Variants in SCML2 observed in about 807,000 individuals in gnomAD.
SCML2 encodes the protein sex comb on midleg-like protein 2.
A neutral mutation model predicts 48.4 loss-of-function variants in SCML2; 6 were observed. The ratio of observed to expected loss-of-function variants is 0.12; its 90% CI spans 0.07 to 0.24. The LOEUF is 0.24. Ranked by LOEUF, SCML2 falls within the 10% of genes least tolerant of loss-of-function variation. SCML2 has a pLI of 1.00. For synonymous variants in SCML2, 181 were observed against 189.5 expected (o/e 0.95, Z 0.37); for missense variants, 377 against 528.2 (o/e 0.71, Z 2.81).
intron 8 of SCML2, among the ~76,000 whole-genome samples, chrX:18,261,917 AT>A (rs1252774776): frequency 4.6e-5 from 5 of 109,174 alleles, no homozygotes; most frequent in South Asian, 3.7e-4. Context: ...AATCTGCCTG[AT>A]TTTTTTCAAT....
At chrX:18,257,955 AGGAAAGGGAAGG>A in intron 10 of SCML2, 77 bp downstream of exon 10, 3 of 423,842 alleles carry the variant, frequency 7.1e-6, no homozygotes, top group Non-Finnish European at 1.2e-5. Flanking sequence ...GGAAGGGGAG[AGGAAAGGGAAGG>A]GGGAAGGGAA....
intron 14 of SCML2, among the ~76,000 whole-genome samples, chrX:18,241,738 G>A (rs939861656): frequency 3.6e-5 from 4 of 111,763 alleles, no homozygotes; most frequent in Admixed American, 9.5e-5. Context: ...TCTGAGAAGG[G>A]CCAGGAATAT....
At chrX:18,331,801 A>G (rs1929668594) in intron 2 of SCML2, among the ~76,000 whole-genome samples, 1 of 111,325 alleles carries the variant, frequency 9.0e-6, no homozygotes, top group Non-Finnish European at 1.9e-5. Flanking sequence ...TGACAATACC[A>G]GTTGGTTGGT....
rs1048440993 is a variant in SCML2 at position 18,314,014 on chromosome X, T to C, written c.486+6318A>G. Among the ~76,000 whole-genome samples the C allele has an allele frequency of 6.3e-5, 7 of 111,804 alleles. No homozygotes were observed. In the Admixed American group the frequency reaches 6.7e-4, roughly 11 times the overall value. Reference sequence around the variant, plus strand: ...GAGGTCTATTTATAGAAATAGTAAATTGAAGCCATCAGGAATGATCTCCAT... The same window carrying C: ...GAGGTCTATTTATAGAAATAGTAAACTGAAGCCATCAGGAATGATCTCCAT... On this transcript the variant is annotated intron_variant, in intron 6 of 14. Transcript: ENST00000251900.
rs1245285400 is a variant in SCML2 at position 18,264,567 on chromosome X, TC to T, written c.948+1017del. Among the ~76,000 whole-genome samples the T allele has an allele frequency of 7.2e-5, 8 of 110,842 alleles. No homozygotes were observed. In the East Asian group the frequency reaches 2.3e-3, roughly 31 times the overall value. On this transcript the variant is annotated intron_variant, in intron 8 of 14. Coordinates refer to ENST00000251900, the MANE Select transcript of SCML2 (RefSeq NM_006089.3). ...AATATCTGGGTTATACTTGGGTCTG[TC>T]TCAGTTGATTTTCTTTTTTCTTGAA...
At chrX:18,284,696 T>G (rs1927984448) in intron 7 of SCML2, among the ~76,000 whole-genome samples, 2 of 111,853 alleles carry the variant, frequency 1.8e-5, no homozygotes, top group Admixed American at 1.9e-4. Context: ...AAAACCACAA[T>G]GACATACCAT....
chrX:18,247,183 G>T (rs1005709393), intron 12 of SCML2, among the ~76,000 whole-genome samples: 1 of 110,943 alleles, frequency 9.0e-6, no homozygotes, highest in African/African-American at 3.3e-5. Flanking sequence ...TTTTAGTAGA[G>T]ACAGGGTTTC....
At chrX:18,303,936 G>A (rs373909666) in intron 7 of SCML2, among the ~76,000 whole-genome samples, 2 of 112,075 alleles carry the variant, frequency 1.8e-5, no homozygotes, top group African/African-American at 3.2e-5. Context: ...CACACTTTGC[G>A]TACTTATTTT....
At chrX:18,329,084 G>A (rs183738704) in intron 3 of SCML2, among the ~76,000 whole-genome samples, 7 of 111,624 alleles carry the variant, frequency 6.3e-5, no homozygotes, top group African/African-American at 2.3e-4. Context: ...AAAATTGACT[G>A]TGGTGGTGGT....
At chrX:18,338,752 A>G (rs1027452004) in intron 1 of SCML2, among the ~76,000 whole-genome samples, 5 of 108,356 alleles carry the variant, frequency 4.6e-5, no homozygotes, top group African/African-American at 1.7e-4. Flanking sequence ...GTCTCTACAA[A>G]AAAATACAAA....
intron 7 of SCML2, among the ~76,000 whole-genome samples, chrX:18,281,618 A>G (rs1320492159): frequency 9.2e-6 from 1 of 108,237 alleles, no homozygotes; most frequent in Admixed American, 9.9e-5. Flanking sequence ...AGGCTGAGGC[A>G]TAAGAATCAC....
At chrX:18,336,293 G>C (rs113363080) in intron 1 of SCML2, among the ~76,000 whole-genome samples, 1 of 108,415 alleles carries the variant, frequency 9.2e-6, no homozygotes, top group East Asian at 2.9e-4. Context: ...ACAAAAATTA[G>C]CTGGGCGTGG....
chrX:18,344,742 C>T (rs1234386322), intron 1 of SCML2, among the ~76,000 whole-genome samples: 2 of 111,833 alleles, frequency 1.8e-5, no homozygotes, highest in African/African-American at 6.5e-5. Context: ...GTCCATTAAA[C>T]CTCTTTTTCT....
At chrX:18,316,299 G>A (rs1474403289) in intron 6 of SCML2, among the ~76,000 whole-genome samples, 1 of 111,896 alleles carries the variant, frequency 8.9e-6, no homozygotes, top group Non-Finnish European at 1.9e-5. Flanking sequence ...TGAGGCACAG[G>A]AATCAGTTGA....
chrX:18,244,531 ATAATT>A (rs918062387), intron 13 of SCML2, among the ~76,000 whole-genome samples: 80 of 111,955 alleles, frequency 7.1e-4, no homozygotes, highest in African/African-American at 2.5e-3. Flanking sequence ...TTATGAAAAT[ATAATT>A]TAATTGGGCC....
chrX:18,342,397 A>G lies in SCML2; in HGVS notation c.-24-8302T>C, dbSNP rs745476928. On this transcript the variant is annotated intron_variant, in intron 1 of 14. Coordinates refer to ENST00000251900, the MANE Select transcript of SCML2 (RefSeq NM_006089.3). ...TTAATAGTATTTCATAGCGCCTGAC[A>G]TTGAAATTTCACTTACCAAAAGACT... is the stretch of plus-strand genomic sequence containing the variant. 4.5e-5 allele frequency among the ~76,000 whole-genome samples: 5 copies of G among 111,459 alleles called. No individual in the cohort carries two copies. In the South Asian group the frequency reaches 1.9e-3, roughly 42 times the overall value.
chrX:18,317,623 G>A (rs1336588407), intron 6 of SCML2, among the ~76,000 whole-genome samples: 1 of 110,828 alleles, frequency 9.0e-6, no homozygotes, highest in Non-Finnish European at 1.9e-5. Context: ...ACGAGGTCAG[G>A]AGATCGAGAC....
intron 7 of SCML2, among the ~76,000 whole-genome samples, chrX:18,297,328 T>C (rs1928427658): frequency 8.9e-6 from 1 of 112,219 alleles, no homozygotes; most frequent in Non-Finnish European, 1.9e-5. Flanking sequence ...AAGTCAAGAA[T>C]GCCCACTTTC....
At chrX:18,245,290 AT>A (rs755072661) in intron 13 of SCML2, among the ~76,000 whole-genome samples, 3 of 112,206 alleles carry the variant, frequency 2.7e-5, no homozygotes, top group Admixed American at 1.9e-4. Context: ...TGATGCCCCA[AT>A]ACCGGCTACC....
Sources: gnomAD v4.1 joint callset for allele counts (sites outside exome capture counted in the v4.1 genomes callset) on GRCh38, gnomAD v4.1.1 for gene constraint, MANE v1.5 for transcripts, NCBI Gene and HGNC (gene_info 2026-07-23, HGNC 2026-07-21) for gene names.